PLA2G4F: variants seen among roughly 807,000 people sequenced by gnomAD.
PLA2G4F encodes phospholipase A2 group IVF, also known as cytosolic phospholipase A2 zeta.
A neutral mutation model predicts 103.1 loss-of-function variants in PLA2G4F; 105 were observed. The ratio of observed to expected loss-of-function variants is 1.02; its 90% CI spans 0.87 to 1.20. The LOEUF is 1.20. PLA2G4F is among the 50% of genes most tolerant of loss of function. The pLI, the probability that PLA2G4F is intolerant of heterozygous loss-of-function variation, is 0.00. For missense variants in PLA2G4F, 1,155 were observed against 1,075.9 expected (o/e 1.07, Z -1.03); for synonymous variants, 468 against 441.1 (o/e 1.06, Z -0.76).
At position 42,140,137 on chromosome 15, in the gene PLA2G4F, T is replaced by C. The variant is rs1194114133; in HGVS notation, c.*1847A>G. 6.6e-6 allele frequency: 1 copy of C among 152,190 alleles called. No individual in the cohort carries two copies. The highest frequency in any genetic ancestry group is 2.4e-5 in the African/African-American group (1 of 41,446). The allele number at this position is 152,190 out of a possible 1,614,324, so 9.4% of individuals were successfully genotyped here. A position where few individuals can be genotyped will look rare whatever the true frequency, so the allele number is the denominator to read the frequency against. ...CATGAAAGCATTGCATGCTTTTTTG[T>C]GGTTGGTGGGTGACGATCCATTTCT... On this transcript the variant is annotated 3_prime_UTR_variant, in exon 20 of 20. Transcript: ENST00000397272.
In PLA2G4F at chr15:42,145,751, C is replaced by T; in HGVS notation, c.1672+15G>A. 1 of 1,614,018 alleles carries T rather than the reference C, an allele frequency of 6.2e-7. No homozygotes were observed. The highest frequency in any genetic ancestry group is 1.1e-5 in the South Asian group (1 of 91,084). On this transcript the variant is annotated intron_variant, in intron 15 of 19. Coordinates refer to ENST00000397272, the MANE Select transcript of PLA2G4F (RefSeq NM_213600.4). Reference sequence around the variant, plus strand: ...CCGGCACCTGCCTGTCCCCAGCCCTCCAGCCTCGACTCACCTTGCAGGTAA... The same window carrying T: ...CCGGCACCTGCCTGTCCCCAGCCCTTCAGCCTCGACTCACCTTGCAGGTAA...
In PLA2G4F at chr15:42,142,703, C is replaced by T. The variant is rs1566877030; in HGVS notation, c.2154G>A (p.Met718Ile). Residue 718 changes from methionine to isoleucine, a missense_variant, in exon 19 of 20, where the codon ATG becomes ATA. Physicochemically the swap from Met to Ile is conservative, Grantham distance 10 (BLOSUM62 1). Coordinates refer to ENST00000397272, the MANE Select transcript of PLA2G4F (RefSeq NM_213600.4). ...SLEAPFEVLK[M>I]TEKYCLDRGI... The stretch of plus-strand genomic sequence containing the variant: ...CTCGGTCCAGGCAGTACTTCTCTGT[C>T]ATCTTCAAGACCTGAGCAGGAGCAA... The T allele has an allele frequency of 6.2e-7, 1 of 1,614,024 alleles. No homozygotes were observed.
intron 7 of PLA2G4F, chr15:42,151,190 A>G (rs926497324): frequency 1.0e-6 from 1 of 985,320 alleles, no homozygotes; most frequent in Non-Finnish European, 1.2e-6. Flanking sequence ...TTGTGGCCCA[A>G]GAGAAAACCA....
chr15:42,152,728 G>C lies in PLA2G4F; in HGVS notation c.561C>G (p.Gly187=). 6.4e-7 allele frequency: 1 copy of C among 1,557,702 alleles called. No individual in the cohort carries two copies. Among genetic ancestry groups the C allele is most frequent in the Non-Finnish European group, 8.7e-7 (1 of 1,150,036 alleles). ...LVAHPCLRIQ[G]TLRGDGTAPR... is the part of the protein sequence containing the mutation. ...GGGCTGTCCCATCTCCCCGGAGCGTGCCCTGGATTCTCAGACAGGGGTGAG... is the reference window on the plus strand; with the variant it reads ...GGGCTGTCCCATCTCCCCGGAGCGTCCCCTGGATTCTCAGACAGGGGTGAG... Residue 187 remains glycine, a synonymous_variant, in exon 7 of 20, where the codon GGC becomes GGG. Coordinates refer to ENST00000397272, the MANE Select transcript of PLA2G4F (RefSeq NM_213600.4).
chr15:42,142,788 C>G, intron 18 of PLA2G4F, 74 bp from the exon 19 acceptor site: 1 of 1,478,502 alleles, frequency 6.8e-7, no homozygotes, highest in Non-Finnish European at 9.3e-7. Context: ...CTCACACACG[C>G]CCAGGCTTCA....
chr15:42,147,840 T>G (rs1456176108), intron 11 of PLA2G4F, 78 bp from the exon 12 acceptor site: 1 of 1,566,302 alleles, frequency 6.4e-7, no homozygotes, highest in Non-Finnish European at 8.7e-7. Flanking sequence ...ATGTAGGACA[T>G]TATTCTAAGA....
chr15:42,150,512 G>C, intron 8 of PLA2G4F, 26 bp from the exon 9 acceptor site: 1 of 1,606,958 alleles, frequency 6.2e-7, no homozygotes, highest in East Asian at 2.2e-5. Flanking sequence ...CACCCAAGAA[G>C]CTCTCCAGCA....
chr15:42,141,784 C>CA lies in PLA2G4F; in HGVS notation c.*199dup. The CA allele has an allele frequency of 1.6e-6, 1 of 628,014 alleles. No homozygotes were observed. The highest frequency in any genetic ancestry group is 2.8e-6 in the Non-Finnish European group (1 of 353,288). 38.9% of individuals were successfully genotyped at this position (628,014 alleles called of 1,614,324 possible). On this transcript the variant is annotated 3_prime_UTR_variant, in exon 20 of 20. Coordinates refer to ENST00000397272, the MANE Select transcript of PLA2G4F (RefSeq NM_213600.4). ...GGAGCGATCTACTGCCCATCTTCTCCAAAAACACACAAGGAGAGCCCTGCC... is the reference window on the plus strand; with the variant it reads ...GGAGCGATCTACTGCCCATCTTCTCCAAAAAACACACAAGGAGAGCCCTGCC...
At chr15:42,152,624 T>G in intron 7 of PLA2G4F, 64 bp downstream of exon 7, 221 of 1,509,290 alleles carry the variant, frequency 1.5e-4, no homozygotes, top group Middle Eastern at 3.4e-4. Flanking sequence ...CCCACCTCCT[T>G]GACATCAGTA....
Position 42,145,630 on chromosome 15 carries a change from G to C in PLA2G4F, c.1725C>G (p.Thr575=). ...CCAGGAAGCTGAGGCCCGAGCCGGC[G>C]GTCTTTAGGAAGATCTCATCCAGGC... ...ATSLDEIFLK[T]AGSGLSFLEW... The change falls in exon 16 of 20, where the codon ACC becomes ACG. Residue 575 remains threonine, a synonymous_variant. Coordinates refer to ENST00000397272, the MANE Select transcript of PLA2G4F (RefSeq NM_213600.4). 1 of 1,614,126 alleles carries C rather than the reference G, an allele frequency of 6.2e-7. No individual in the cohort carries two copies. The highest frequency in any genetic ancestry group is 8.5e-7 in the Non-Finnish European group (1 of 1,180,024).
chr15:42,142,003 C>G lies in PLA2G4F; in HGVS notation c.2531G>C (p.Arg844Pro). The G allele has an allele frequency of 2.5e-6, 4 of 1,613,912 alleles. No homozygotes were observed. Among genetic ancestry groups the G allele is most frequent in the Non-Finnish European group, 3.4e-6 (4 of 1,179,990 alleles). Residue 844 changes from arginine (R) to proline (P), a missense_variant, in exon 20 of 20, where the codon CGG becomes CCG. This residue lies in a region of PLA2G4F where 782 missense variants were observed against 692.9 expected (regional missense o/e 1.13). Coordinates refer to ENST00000397272, the MANE Select transcript of PLA2G4F (RefSeq NM_213600.4). ...CCTTGGTCAGGCCCCTGCCCTCTCCCGAGCCTGGTGCCGGTCCAGAGCCAG... is the reference window on the plus strand; with the variant it reads ...CCTTGGTCAGGCCCCTGCCCTCTCCGGAGCCTGGTGCCGGTCCAGAGCCAG... Reference protein sequence around the residue: ...LQLALDRHQARERAGA With the variant: ...LQLALDRHQAPERAGA
chr15:42,148,181 C>CAAA lies in PLA2G4F; in HGVS notation c.1060-422_1060-420dup, dbSNP rs59009245. On this transcript the variant is annotated intron_variant, in intron 11 of 19. Transcript: ENST00000397272. ...TGGGCGACAGAGCGAGACTCCGTCT[C>CAAA]AAAAAAAAAAAAAAAAAAGAGAGAA... Among the ~76,000 whole-genome samples the CAAA allele has an allele frequency of 1.3e-3, 111 of 85,670 alleles. 2 individuals are homozygous for CAAA. The highest frequency in any genetic ancestry group is 2.5e-3 in the African/African-American group (70 of 28,394). 56.2% of individuals were successfully genotyped at this position (85,670 alleles called of 152,430 possible).
rs202035374 is a variant in PLA2G4F at position 42,154,075 on chromosome 15, A to G, written c.450+17T>C. On this transcript the variant is annotated intron_variant, in intron 4 of 19. Transcript: ENST00000397272. ...CCCTCCTCCAGCTGGGCTCTCCGCC[A>G]GCACTGGTGGGCTCACCTGGTGGTT... The G allele has an allele frequency of 1.4e-5, 22 of 1,614,066 alleles. No homozygotes were observed. The African/African-American group carries it at 2.9e-4, about 22-fold the overall frequency.
intron 1 of PLA2G4F, 132 bp from the exon 2 acceptor site, chr15:42,155,721 G>A (rs11630961): frequency 0.076 from 66,198 of 866,550 alleles, 3,078 homozygotes; most frequent in Non-Finnish European, 0.094. Context: ...GGGGAGCAGG[G>A]AGACCTTGGC....
intron 18 of PLA2G4F, among the ~76,000 whole-genome samples, chr15:42,142,953 G>C (rs935064260): frequency 6.6e-6 from 1 of 152,052 alleles, no homozygotes; most frequent in African/African-American, 2.4e-5. Flanking sequence ...GGCCGAGGCT[G>C]GCAGATCATG....
chr15:42,153,801 GT>G, intron 4 of PLA2G4F, 141 bp from the exon 5 acceptor site: 1 of 919,372 alleles, frequency 1.1e-6, no homozygotes, highest in South Asian at 1.6e-5. Context: ...AGGAGGGGCA[GT>G]GGTATCTCCA....
chr15:42,151,726 G>T, intron 7 of PLA2G4F: 1 of 885,086 alleles, frequency 1.1e-6, no homozygotes, highest in Non-Finnish European at 1.4e-6. Flanking sequence ...CTGAGATGGA[G>T]ACGTGCTATT....
rs137914268 is a variant in PLA2G4F, at chr15:42,149,809, A to G, written c.963T>C (p.Ser321=). 80 of 1,614,152 alleles carry G rather than the reference A, an allele frequency of 5.0e-5. No individual in the cohort carries two copies. The African/African-American group carries it at 8.9e-4, about 18-fold the overall frequency. ...TGTCCAGAAACTCCTGCTCCCCGTC[A>G]GAGAGGTCAAAGCCAAGGCGTAGGT... ...DLDLRLGFDL[S]DGEQEFLDRR... Residue 321 remains serine (S), a synonymous_variant, in exon 11 of 20, where the codon TCT becomes TCC. Transcript: ENST00000397272.
rs1245723998 is a variant in PLA2G4F, at chr15:42,142,723, G to C, written c.2143-9C>G. ...TCTGTCATCTTCAAGACCTGAGCAG[G>C]AGCAAGCCTCTGACTCTGCCTTTCC... On this transcript the variant is annotated splice_polypyrimidine_tract_variant and intron_variant, in intron 18 of 19. Coordinates refer to ENST00000397272, the MANE Select transcript of PLA2G4F (RefSeq NM_213600.4). The C allele has an allele frequency of 3.1e-6, 5 of 1,613,580 alleles. No individual in the cohort carries two copies. Among genetic ancestry groups the C allele is most frequent in the Non-Finnish European group, 3.4e-6 (4 of 1,179,936 alleles).
Sources: allele counts gnomAD v4.1 joint callset (sites outside exome capture counted in the v4.1 genomes callset), GRCh38; gene constraint gnomAD v4.1.1; regional missense constraint gnomAD v4.1.1; transcripts MANE v1.5; gene names NCBI Gene and HGNC (gene_info 2026-07-23, HGNC 2026-07-21).